Variants in RAB11FIP4 observed in about 807,000 individuals in gnomAD.
The protein encoded by RAB11FIP4 is rab11 family-interacting protein 4.
RAB11FIP4 carries 23 observed loss-of-function variants against 74.3 expected under a neutral mutation model. The observed-to-expected ratio is 0.31, with a 90% CI of 0.22 to 0.44. RAB11FIP4 has a LOEUF of 0.44. Ranked by LOEUF, RAB11FIP4 falls within the 20% of genes least tolerant of loss-of-function variation. RAB11FIP4 has a pLI of 1.00. For synonymous variants in RAB11FIP4, 360 were observed against 359.9 expected, an observed-to-expected ratio of 1.00 and a Z score of 0.00; for missense variants, 630 against 863.9, an observed-to-expected ratio of 0.73 and a Z score of 3.39.
intron 3 of RAB11FIP4, among the ~76,000 whole-genome samples, chr17:31,500,341 T>TC (rs936549041): frequency 6.6e-6 from 1 of 152,018 alleles, no homozygotes; most frequent in Admixed American, 6.6e-5. Context: ...TGCCCACGTG[T>TC]CCCGGGGGCA....
intron 3 of RAB11FIP4, among the ~76,000 whole-genome samples, chr17:31,491,836 G>A (rs922195110): frequency 6.6e-5 from 10 of 152,204 alleles, no homozygotes; most frequent in African/African-American, 2.4e-4. Flanking sequence ...GGGCATTGAG[G>A]CATTTCTGGA....
intron 7 of RAB11FIP4, 188 bp downstream of exon 7, chr17:31,522,583 C>G: frequency 1.7e-6 from 1 of 590,546 alleles, no homozygotes; most frequent in Non-Finnish European, 3.0e-6. Context: ...GCCAGCTCCT[C>G]CCTGCTCTCT....
At chr17:31,464,749 CTTTTTT>C (rs58083480) in intron 3 of RAB11FIP4, among the ~76,000 whole-genome samples, 14 of 39,636 alleles carry the variant, frequency 3.5e-4, no homozygotes, top group South Asian at 2.9e-3. Context: ...CTGTGCCCGG[CTTTTTT>C]TTTTTTTTTT....
At chr17:31,483,189 T>C (rs2071866820) in intron 3 of RAB11FIP4, among the ~76,000 whole-genome samples, 1 of 79,510 alleles carries the variant, frequency 1.3e-5, no homozygotes, top group Non-Finnish European at 2.2e-5. Flanking sequence ...TGAGACTGCA[T>C]CTCAAAAAAA....
At chr17:31,447,013 C>G (rs965922322) in intron 3 of RAB11FIP4, among the ~76,000 whole-genome samples, 7 of 151,830 alleles carry the variant, frequency 4.6e-5, no homozygotes, top group South Asian at 2.1e-4. Flanking sequence ...AGGCGGGTGC[C>G]GTGGCTCTCG....
At chr17:31,414,604 G>A (rs554307851) in intron 1 of RAB11FIP4, among the ~76,000 whole-genome samples, 1 of 152,342 alleles carries the variant, frequency 6.6e-6, no homozygotes, top group South Asian at 2.1e-4. Flanking sequence ...TCCCATAAAG[G>A]AAGATGTCTC....
At chr17:31,503,144 T>C (rs1475006086) in intron 3 of RAB11FIP4, among the ~76,000 whole-genome samples, 3 of 152,200 alleles carry the variant, frequency 2.0e-5, no homozygotes, top group African/African-American at 7.2e-5. Context: ...GTGATTCTCC[T>C]GCCTCAGCCT....
chr17:31,480,363 A>C (rs2071834312), intron 3 of RAB11FIP4, among the ~76,000 whole-genome samples: 1 of 152,128 alleles, frequency 6.6e-6, no homozygotes, highest in African/African-American at 2.4e-5. Context: ...GGGAGGCAGC[A>C]GGTAGGACAT....
intron 3 of RAB11FIP4, among the ~76,000 whole-genome samples, chr17:31,472,907 C>A (rs188386825): frequency 1.4e-4 from 22 of 152,118 alleles, no homozygotes; most frequent in Admixed American, 1.4e-3. Context: ...GTGGCAGGCA[C>A]CTGTAGACCC....
chr17:31,468,235 G>A (rs1287292185), intron 3 of RAB11FIP4, among the ~76,000 whole-genome samples: 3 of 152,032 alleles, frequency 2.0e-5, no homozygotes, highest in East Asian at 1.9e-4. Context: ...TCCCTTCCTC[G>A]CTTCGTCTCC....
At chr17:31,405,861 C>G (rs1567644908) in intron 1 of RAB11FIP4, among the ~76,000 whole-genome samples, 1 of 152,116 alleles carries the variant, frequency 6.6e-6, no homozygotes, top group Non-Finnish European at 1.5e-5. Flanking sequence ...TATCGTGACC[C>G]TTTTTCACCT....
rs1472344189 is a variant in RAB11FIP4, at chr17:31,512,538, G to T, written c.337-5113G>T. Among the ~76,000 whole-genome samples, 1 of 152,180 alleles carries T rather than the reference G, an allele frequency of 6.6e-6. No individual in the cohort carries two copies. Among genetic ancestry groups the T allele is most frequent in the African/African-American group, 2.4e-5 (1 of 41,434 alleles). On this transcript the variant is annotated intron_variant, in intron 3 of 14. Coordinates refer to ENST00000621161, the MANE Select transcript of RAB11FIP4 (RefSeq NM_032932.6). The surrounding 1 kb of genome is among the most constrained non-coding windows in gnomAD (Gnocchi z 4.1). ...CGCTGGCAGGTGGAAGAAAGCCTGG[G>T]GTGGTGTGGCCATGTACCAGCCAAG...
chr17:31,416,801 C>T (rs575322503), intron 1 of RAB11FIP4, among the ~76,000 whole-genome samples: 4 of 152,260 alleles, frequency 2.6e-5, no homozygotes, highest in South Asian at 2.1e-4. Flanking sequence ...GAATGACTGG[C>T]GGTTTGGCTA....
chr17:31,456,706 T>G (rs1205384964), intron 3 of RAB11FIP4, among the ~76,000 whole-genome samples: 1 of 152,208 alleles, frequency 6.6e-6, no homozygotes, highest in African/African-American at 2.4e-5. Flanking sequence ...TTTACCTCCT[T>G]TTTCTCTATG....
At chr17:31,486,582 T>C (rs1168480111) in intron 3 of RAB11FIP4, among the ~76,000 whole-genome samples, 1 of 152,188 alleles carries the variant, frequency 6.6e-6, no homozygotes, top group East Asian at 1.9e-4. Context: ...CCAACCAACA[T>C]GTGTGTTCTA....
intron 1 of RAB11FIP4, among the ~76,000 whole-genome samples, chr17:31,423,035 T>G (rs553159322): frequency 2.0e-5 from 3 of 150,358 alleles, no homozygotes; most frequent in South Asian, 2.2e-4. Context: ...TTCTCCTGCC[T>G]CAGCCTCCTG....
chr17:31,493,976 C>A (rs990937093), intron 3 of RAB11FIP4, among the ~76,000 whole-genome samples: 2 of 152,162 alleles, frequency 1.3e-5, no homozygotes, highest in African/African-American at 4.8e-5. Flanking sequence ...TGTTCATCCA[C>A]CCCCCTGCTT....
chr17:31,496,226 G>A (rs2072113404), intron 3 of RAB11FIP4, among the ~76,000 whole-genome samples: 1 of 152,212 alleles, frequency 6.6e-6, no homozygotes, highest in East Asian at 1.9e-4. Flanking sequence ...CCTTGGATTG[G>A]GCTTAGATTC....
At chr17:31,503,911 T>C (rs763240003) in intron 3 of RAB11FIP4, among the ~76,000 whole-genome samples, 5 of 149,762 alleles carry the variant, frequency 3.3e-5, no homozygotes, top group African/African-American at 7.7e-5. Flanking sequence ...TAGACATTTC[T>C]GTTATATGTA....
Sources: allele counts gnomAD v4.1 joint callset (sites outside exome capture counted in the v4.1 genomes callset), GRCh38; gene constraint gnomAD v4.1.1; non-coding constraint Gnocchi (gnomAD v3.1); transcripts MANE v1.5; gene names NCBI Gene and HGNC (gene_info 2026-07-23, HGNC 2026-07-21).